NDUFAF6: variants seen among roughly 807,000 people sequenced by gnomAD.
The protein encoded by NDUFAF6 is NADH:ubiquinone oxidoreductase complex assembly factor 6, also known as NADH dehydrogenase (ubiquinone) complex I, assembly factor 6.
NDUFAF6 carries 45 observed loss-of-function variants against 40.8 expected under a neutral mutation model. The ratio of observed to expected loss-of-function variants is 1.10; its 90% CI spans 0.87 to 1.42. The LOEUF is 1.42. NDUFAF6 is among the 40% of genes most tolerant of loss of function. NDUFAF6 has a pLI of 0.00. For missense variants in NDUFAF6, 435 were observed against 418.5 expected (o/e 1.04, Z -0.34); for synonymous variants, 185 against 155.9 (o/e 1.19, Z -1.39).
chr8:95,045,785 GTTATTA>G, intron 5 of NDUFAF6, 138 bp downstream of exon 5: 2 of 644,830 alleles, frequency 3.1e-6, no homozygotes, highest in South Asian at 1.9e-5. Context: ...AGTTTTTTTT[GTTATTA>G]TTATTAGCAA....
Position 94,982,344 on chromosome 8 carries a change from T to C in NDUFAF6, c.-84+1371T>C, listed in dbSNP as rs141398309. On this transcript the variant is annotated intron_variant, in intron 2 of 9. Coordinates refer to the NDUFAF6 transcript ENST00000396111. ...TACAGTAACATGCTGTGCAGGTTTG[T>C]AGCCTAGGAGCAATAGGCTATCCCA... 1.0e-2 allele frequency among the ~76,000 whole-genome samples: 1,516 copies of C among 152,334 alleles called. 28 individuals are homozygous for C. The highest frequency in any genetic ancestry group is 0.035 in the African/African-American group (1,445 of 41,572).
At chr8:94,896,181 C>A (rs577345926) in intron 1 of NDUFAF6, among the ~76,000 whole-genome samples, 3 of 151,734 alleles carry the variant, frequency 2.0e-5, no homozygotes, top group Non-Finnish European at 2.9e-5. Context: ...TCCTCCTCCC[C>A]CTGAGCGCGG....
intron 2 of NDUFAF6, among the ~76,000 whole-genome samples, chr8:95,089,778 T>G (rs952775425): frequency 6.6e-6 from 1 of 152,198 alleles, no homozygotes; most frequent in Non-Finnish European, 1.5e-5. Context: ...CTCAGCTCAT[T>G]GTGGAGTCAG....
downstream of NDUFAF6, among the ~76,000 whole-genome samples, chr8:95,106,786 G>GA (rs1809853682): frequency 1.3e-5 from 2 of 151,844 alleles, no homozygotes; most frequent in South Asian, 4.2e-4. Context: ...AAATTTACAA[G>GA]AAAAAAACCA....
intron 6 of NDUFAF6, among the ~76,000 whole-genome samples, chr8:95,047,751 C>T (rs1319211904): frequency 2.6e-5 from 4 of 152,036 alleles, no homozygotes; most frequent in South Asian, 2.1e-4. Context: ...ACTCGTGATT[C>T]GCTTGCCTCG....
upstream of NDUFAF6, among the ~76,000 whole-genome samples, chr8:95,098,669 TCAAA>T (rs1005330506): frequency 1.6e-4 from 23 of 146,538 alleles, no homozygotes; most frequent in South Asian, 2.2e-4. Flanking sequence ...AAACTTCGTC[TCAAA>T]CAAACAAAAA....
rs974337172 is a variant in NDUFAF6, at chr8:94,920,635, G to C, written c.-936+24708G>C. Among the ~76,000 whole-genome samples the C allele has an allele frequency of 4.0e-4, 61 of 152,300 alleles. 1 individual carries two copies. The highest frequency in any genetic ancestry group is 1.4e-3 in the African/African-American group (59 of 41,572). On this transcript the variant is annotated intron_variant, in intron 1 of 14. Transcript: ENST00000396113. ...AGTCCCACTGCTTTCCATCATGGCT[G>C]CTGTAGCCCAGTGTTGTTGCAGAAT... is the stretch of plus-strand genomic sequence containing the variant.
intron 1 of NDUFAF6, among the ~76,000 whole-genome samples, chr8:94,933,546 C>A (rs1181992367): frequency 1.3e-5 from 2 of 152,052 alleles, no homozygotes; most frequent in Non-Finnish European, 2.9e-5. Flanking sequence ...AGGTGGCTCA[C>A]CTGAAGTCAG....
intron 1 of NDUFAF6, among the ~76,000 whole-genome samples, chr8:94,916,600 C>T (rs763696029): frequency 1.1e-4 from 16 of 150,354 alleles, no homozygotes; most frequent in Non-Finnish European, 2.2e-4. Flanking sequence ...GATCACCTGA[C>T]GTCAGGAGTT....
intron 2 of NDUFAF6, among the ~76,000 whole-genome samples, chr8:95,083,523 C>T (rs138523615): frequency 2.6e-4 from 39 of 152,290 alleles, no homozygotes; most frequent in Middle Eastern, 6.8e-3. Flanking sequence ...CTTTACTGTG[C>T]TATGGTTCCC....
chr8:95,075,212 A>G (rs1358901821), intron 9 of NDUFAF6, among the ~76,000 whole-genome samples: 2 of 152,234 alleles, frequency 1.3e-5, no homozygotes, highest in Non-Finnish European at 2.9e-5. Context: ...AAATGGAGCA[A>G]TACACCAGGT....
chr8:94,956,271 T>C (rs751862536), upstream of NDUFAF6, among the ~76,000 whole-genome samples: 1 of 152,086 alleles, frequency 6.6e-6, no homozygotes, highest in Non-Finnish European at 1.5e-5. Context: ...TTTTCCAGCG[T>C]TTGGGCAAGT....
At chr8:95,017,320 T>G (rs1827504630) in intron 2 of NDUFAF6, among the ~76,000 whole-genome samples, 1 of 151,668 alleles carries the variant, frequency 6.6e-6, no homozygotes. Flanking sequence ...GCATGTGGAG[T>G]CATGTAGAGT....
chr8:95,115,788 G>A (rs1810119527), intron 5 of NDUFAF6: 1 of 152,232 alleles, frequency 6.6e-6, no homozygotes, highest in Non-Finnish European at 1.5e-5. Flanking sequence ...AGTTTTGAGA[G>A]AAGGTGTGAC....
At chr8:95,002,860 C>T (rs919463026) in intron 2 of NDUFAF6, among the ~76,000 whole-genome samples, 2 of 152,068 alleles carry the variant, frequency 1.3e-5, no homozygotes, top group African/African-American at 2.4e-5. Context: ...TAAGTGGATC[C>T]GGGAACTCAA....
At chr8:94,923,915 C>A (rs954279040) in intron 1 of NDUFAF6, among the ~76,000 whole-genome samples, 1 of 150,894 alleles carries the variant, frequency 6.6e-6, no homozygotes, top group Non-Finnish European at 1.5e-5. Context: ...GTCTCAAACT[C>A]CTGACCTTGT....
At chr8:94,914,529 C>T (rs2131239722) in intron 1 of NDUFAF6, among the ~76,000 whole-genome samples, 1 of 152,304 alleles carries the variant, frequency 6.6e-6, no homozygotes, top group South Asian at 2.1e-4. Flanking sequence ...TCAGCCAGTT[C>T]CTCAAAGCCT....
chr8:94,897,655 G>A (rs1372228929), intron 1 of NDUFAF6, among the ~76,000 whole-genome samples: 1 of 148,538 alleles, frequency 6.7e-6, no homozygotes, highest in Non-Finnish European at 1.5e-5. Context: ...TGGAGGCACA[G>A]GCTTAAAAAA....
intron 1 of NDUFAF6, among the ~76,000 whole-genome samples, chr8:94,934,322 C>T (rs1820754131): frequency 6.6e-6 from 1 of 152,060 alleles, no homozygotes; most frequent in African/African-American, 2.4e-5. Context: ...ACTACACACA[C>T]ACACAACACT....
Sources: gnomAD v4.1 joint callset for allele counts (sites outside exome capture counted in the v4.1 genomes callset) on GRCh38, gnomAD v4.1.1 for gene constraint, MANE v1.5 for transcripts, NCBI Gene and HGNC (gene_info 2026-07-23, HGNC 2026-07-21) for gene names.